The following AMBP variants were observed in gnomAD, a reference collection of about 807,000 sequenced individuals.
The protein encoded by AMBP is alpha-1-microglobulin/bikunin precursor, also known as protein AMBP.
Under a neutral mutation model 46.3 loss-of-function variants are expected in AMBP, and 37 were observed. The ratio of observed to expected loss-of-function variants is 0.80; its 90% confidence interval spans 0.61 to 1.05. The LOEUF (loss-of-function observed/expected upper bound fraction) is 1.05. AMBP is among the 50% of genes least tolerant of loss of function. The pLI, the probability that AMBP is intolerant of heterozygous loss-of-function variation, is 0.00. For missense variants in AMBP, 475 were observed against 461.2 expected, an observed-to-expected ratio of 1.03 and a Z score of -0.27; for synonymous variants, 174 against 175.9, an observed-to-expected ratio of 0.99 and a Z score of 0.09.
chr9:114,069,673 A>G, intron 6 of AMBP, 26 bp downstream of exon 6: 4 of 1,534,988 alleles, frequency 2.6e-6, no homozygotes, highest in Non-Finnish European at 3.6e-6. Flanking sequence ...ATGGGGTGGG[A>G]TGGGGTCGGG....
At chr9:114,065,169 C>T (rs191818301) in intron 6 of AMBP, among the ~76,000 whole-genome samples, 9 of 152,114 alleles carry the variant, frequency 5.9e-5, no homozygotes, top group Admixed American at 5.2e-4. Context: ...ACTGTGACCC[C>T]CAAAATTCAT....
chr9:114,061,452 CTT>C lies in AMBP; in HGVS notation c.823_824del (p.Lys275GlyfsTer31). 3.7e-6 allele frequency: 6 copies of C among 1,614,096 alleles called. No homozygotes were observed. Among genetic ancestry groups the C allele is most frequent in the Non-Finnish European group, 5.1e-6 (6 of 1,180,014 alleles). On this transcript the variant is annotated frameshift_variant, in exon 8 of 10. Coordinates refer to ENST00000265132, the MANE Select transcript of AMBP (RefSeq NM_001633.4). LOFTEE classifies it high-confidence loss of function. ...MGNGNNFVTE[K>X]ECLQTCRTVA... ...CAGTTCGGCAGGTCTGCAGACACTCCTTTTCTGTGACGAAGTTGTTACCGTTG... is the reference window on the plus strand; with the variant it reads ...CAGTTCGGCAGGTCTGCAGACACTCCTTCTGTGACGAAGTTGTTACCGTTG...
intron 6 of AMBP, among the ~76,000 whole-genome samples, chr9:114,069,076 A>G (rs79028117): frequency 0.02 from 3,013 of 152,080 alleles, 51 homozygotes; most frequent in East Asian, 0.074. Flanking sequence ...ACATATATAT[A>G]TACACACACA....
Position 114,078,241 on chromosome 9 carries a change from A to G in AMBP, c.-32T>C. ...GGGCTCCTCTGCCTTGGTATATCCC[A>G]CAGGCTCGGTCTAGCAACAGAAGGG... On this transcript the variant is annotated 5_prime_UTR_variant, in exon 1 of 10. Coordinates refer to ENST00000265132, the MANE Select transcript of AMBP (RefSeq NM_001633.4). 6.3e-7 allele frequency: 1 copy of G among 1,594,712 alleles called. No individual in the cohort carries two copies. The highest frequency in any genetic ancestry group is 8.6e-7 in the Non-Finnish European group (1 of 1,167,462).
intron 3 of AMBP, among the ~76,000 whole-genome samples, chr9:114,074,397 A>G (rs982660212): frequency 2.0e-5 from 3 of 151,956 alleles, no homozygotes; most frequent in African/African-American, 2.4e-5. Flanking sequence ...CCATACATCA[A>G]TTCTCCCTTC....
chr9:114,076,490 A>G, intron 2 of AMBP, 108 bp downstream of exon 2: 1 of 1,486,446 alleles, frequency 6.7e-7, no homozygotes, highest in South Asian at 1.3e-5. Flanking sequence ...TTCAGCGGGA[A>G]GGTCCTGACT....
At chr9:114,072,882 A>G in intron 5 of AMBP, 43 bp downstream of exon 5, 1 of 1,585,538 alleles carries the variant, frequency 6.3e-7, no homozygotes, top group Non-Finnish European at 8.7e-7. Context: ...CCCACAAGGG[A>G]CGAAGAGGGG....
chr9:114,060,482 G>A lies in AMBP; in HGVS notation c.1028-212C>T, dbSNP rs1022948183. Among the ~76,000 whole-genome samples, 4 of 152,106 alleles carry A rather than the reference G, an allele frequency of 2.6e-5. No homozygotes were observed. The East Asian group carries it at 7.7e-4, about 29-fold the overall frequency. The stretch of plus-strand genomic sequence containing the variant: ...AATCAAGGCACAGACATCTTCAATG[G>A]TTGCTCTTCCCTGGAATGCTATTAC... On this transcript the variant is annotated intron_variant, in intron 9 of 9. Coordinates refer to ENST00000265132, the MANE Select transcript of AMBP (RefSeq NM_001633.4).
intron 5 of AMBP, among the ~76,000 whole-genome samples, chr9:114,070,949 C>T (rs1401200030): frequency 1.3e-5 from 2 of 152,176 alleles, no homozygotes; most frequent in Non-Finnish European, 2.9e-5. Flanking sequence ...CCTCAGGCCA[C>T]CCCTGAGTGC....
At chr9:114,076,068 C>T (rs951858317) in intron 2 of AMBP, among the ~76,000 whole-genome samples, 12 of 151,894 alleles carry the variant, frequency 7.9e-5, no homozygotes, top group Non-Finnish European at 1.5e-4. Flanking sequence ...GGAAGGGTCT[C>T]GAGCAGATGT....
At chr9:114,062,951 G>A (rs1476448120) in intron 6 of AMBP, among the ~76,000 whole-genome samples, 193 bp from the exon 7 acceptor site, 1 of 152,136 alleles carries the variant, frequency 6.6e-6, no homozygotes, top group Non-Finnish European at 1.5e-5. Flanking sequence ...TCAGAGGACA[G>A]ATTTCTGGTC....
chr9:114,067,722 T>C lies in AMBP; in HGVS notation c.603+1977A>G, dbSNP rs544172616. Among the ~76,000 whole-genome samples, 24 of 152,212 alleles carry C rather than the reference T, an allele frequency of 1.6e-4. 1 individual carries two copies. The East Asian group carries it at 4.2e-3, about 27-fold the overall frequency. ...CTTTTTCATAGCAATAATCGGCGCT[T>C]GAGAACAATGGAGTAACATATACAA... is the stretch of plus-strand genomic sequence containing the variant. On this transcript the variant is annotated intron_variant, in intron 6 of 9. Coordinates refer to ENST00000265132, the MANE Select transcript of AMBP (RefSeq NM_001633.4).
chr9:114,073,500 T>C (rs1017875951), intron 4 of AMBP, among the ~76,000 whole-genome samples: 1 of 146,188 alleles, frequency 6.8e-6, no homozygotes, highest in Admixed American at 6.8e-5. Flanking sequence ...CCTGTTTTTT[T>C]TTTTTTTTTT....
intron 5 of AMBP, among the ~76,000 whole-genome samples, chr9:114,070,370 C>A (rs757977947): frequency 7.9e-5 from 12 of 152,118 alleles, no homozygotes; most frequent in Non-Finnish European, 1.8e-4. Context: ...GCCAGGTAGA[C>A]CCCACTCCCA....
At chr9:114,068,448 A>T (rs1221581786) in intron 6 of AMBP, among the ~76,000 whole-genome samples, 2 of 152,138 alleles carry the variant, frequency 1.3e-5, no homozygotes, top group African/African-American at 4.8e-5. Flanking sequence ...GAAAAAAAAA[A>T]TACAAAAATT....
Position 114,074,028 on chromosome 9 carries a change from G to A in AMBP, c.454+8C>T, listed in dbSNP as rs375074189. Reference sequence around the variant, plus strand: ...CTCCAATGGGCACATCTAGTAATGAGCCTTTACCGTAGAGCTTGGCAGTAA... The same window carrying A: ...CTCCAATGGGCACATCTAGTAATGAACCTTTACCGTAGAGCTTGGCAGTAA... On this transcript the variant is annotated splice_region_variant and intron_variant, in intron 4 of 9. Coordinates refer to ENST00000265132, the MANE Select transcript of AMBP (RefSeq NM_001633.4). 1.1e-5 allele frequency: 17 copies of A among 1,612,010 alleles called. No homozygotes were observed. The highest frequency in any genetic ancestry group is 2.7e-5 in the African/African-American group (2 of 74,880).
intron 7 of AMBP, among the ~76,000 whole-genome samples, chr9:114,062,127 G>A (rs996828579): frequency 2.6e-5 from 4 of 152,062 alleles, no homozygotes; most frequent in Non-Finnish European, 5.9e-5. Context: ...CCTTCCTTTT[G>A]GGCCCATCAC....
At chr9:114,076,547 T>C (rs756130074) in intron 2 of AMBP, 51 bp downstream of exon 2, 2 of 1,598,948 alleles carry the variant, frequency 1.3e-6, no homozygotes, top group Non-Finnish European at 1.7e-6. Flanking sequence ...GCTGGGAAGG[T>C]TGTGGGTCTC....
intron 1 of AMBP, 60 bp downstream of exon 1, chr9:114,078,033 C>T: frequency 6.4e-7 from 1 of 1,551,076 alleles, no homozygotes; most frequent in Non-Finnish European, 8.9e-7. Flanking sequence ...CCCAGCAGGG[C>T]CCATCTGCCT....
Sources: gnomAD v4.1 joint callset for allele counts (sites outside exome capture counted in the v4.1 genomes callset) on GRCh38, gnomAD v4.1.1 for gene constraint, MANE v1.5 for transcripts, NCBI Gene and HGNC (gene_info 2026-07-23, HGNC 2026-07-21) for gene names.